Variants in PRLR observed in about 807,000 individuals in gnomAD.
PRLR encodes hPRL receptor.
A neutral mutation model predicts 40.2 loss-of-function variants in PRLR; 13 were observed. The ratio of observed to expected loss-of-function variants is 0.32; its 90% CI spans 0.21 to 0.51. The LOEUF (loss-of-function observed/expected upper bound fraction) is 0.51. Ranked by LOEUF, PRLR falls within the 20% of genes least tolerant of loss-of-function variation. PRLR has a pLI of 0.97. For missense variants in PRLR, 656 were observed against 747.3 expected, an observed-to-expected ratio of 0.88 and a Z score of 1.42; for synonymous variants, 269 against 278.7, an observed-to-expected ratio of 0.97 and a Z score of 0.35.
chr5:35,107,442 G>C (rs1772336470), intron 2 of PRLR, among the ~76,000 whole-genome samples: 1 of 151,984 alleles, frequency 6.6e-6, no homozygotes, highest in African/African-American at 2.4e-5. Flanking sequence ...CTAGGAGCTG[G>C]TTTTCTGAAA....
chr5:35,187,174 G>A (rs188698036), intron 1 of PRLR, among the ~76,000 whole-genome samples: 2 of 152,254 alleles, frequency 1.3e-5, no homozygotes, highest in East Asian at 3.9e-4. Context: ...GTTGAGGCAC[G>A]TGGACCACTT....
At chr5:35,173,118 G>A (rs756889321) in intron 1 of PRLR, among the ~76,000 whole-genome samples, 6 of 150,128 alleles carry the variant, frequency 4.0e-5, no homozygotes, top group Non-Finnish European at 5.9e-5. Context: ...CCTCCACATT[G>A]TTCACTCGTT....
intron 2 of PRLR, among the ~76,000 whole-genome samples, chr5:35,113,420 TCC>T (rs1561310991): frequency 2.9e-5 from 3 of 103,562 alleles, no homozygotes; most frequent in Non-Finnish European, 6.1e-5. Flanking sequence ...CATCCATCCA[TCC>T]ACCCATCCAT....
At chr5:35,097,084 G>A (rs968192108) in intron 2 of PRLR, among the ~76,000 whole-genome samples, 1 of 152,134 alleles carries the variant, frequency 6.6e-6, no homozygotes, top group Non-Finnish European at 1.5e-5. Flanking sequence ...CACCTGACAC[G>A]TAAATTCTCT....
At chr5:35,198,014 T>A (rs1579793288) in intron 1 of PRLR, among the ~76,000 whole-genome samples, 1 of 152,220 alleles carries the variant, frequency 6.6e-6, no homozygotes. Flanking sequence ...TGGATGCCGA[T>A]GGCACCATTC....
Position 35,132,733 on chromosome 5 carries a change from C to T in PRLR, c.-105-14611G>A, listed in dbSNP as rs193282044. 1.2e-4 allele frequency among the ~76,000 whole-genome samples: 18 copies of T among 152,280 alleles called. No homozygotes were observed. In the East Asian group the frequency reaches 3.5e-3, roughly 29 times the overall value. On this transcript the variant is annotated intron_variant, in intron 1 of 9. Transcript: ENST00000618457. ...TGTCCTATTGTTAAATATCATAGGA[C>T]ATTCGTATGCAATGAGGGACTTTGG...
chr5:35,197,118 CTGT>C, intron 1 of PRLR, among the ~76,000 whole-genome samples: 1 of 152,272 alleles, frequency 6.6e-6, no homozygotes, highest in Admixed American at 6.5e-5. Context: ...CCACTTTCTC[CTGT>C]CCCCAACTTT....
At chr5:35,074,262 A>C (rs1769926141) in intron 5 of PRLR, among the ~76,000 whole-genome samples, 1 of 151,838 alleles carries the variant, frequency 6.6e-6, no homozygotes, top group Non-Finnish European at 1.5e-5. Flanking sequence ...GGAGTTTGAG[A>C]CCAGCCTGGC....
intron 2 of PRLR, among the ~76,000 whole-genome samples, chr5:35,110,240 G>A (rs1280973527): frequency 6.6e-6 from 1 of 152,148 alleles, no homozygotes; most frequent in African/African-American, 2.4e-5. Flanking sequence ...GGGGGTGATA[G>A]CATTAGGAGA....
intron 1 of PRLR, among the ~76,000 whole-genome samples, chr5:35,192,727 G>C (rs74381690): frequency 0.016 from 2,408 of 152,294 alleles, 70 homozygotes; most frequent in African/African-American, 0.055. Context: ...CCAAATAGCA[G>C]ATGCCCCAAG....
At chr5:35,194,934 C>T (rs1287586922) in intron 1 of PRLR, among the ~76,000 whole-genome samples, 3 of 152,160 alleles carry the variant, frequency 2.0e-5, no homozygotes, top group Non-Finnish European at 4.4e-5. Flanking sequence ...ATATCAACAT[C>T]GGTTCATCAT....
intron 1 of PRLR, among the ~76,000 whole-genome samples, chr5:35,165,273 G>A (rs1485432739): frequency 1.3e-5 from 2 of 152,242 alleles, no homozygotes; most frequent in South Asian, 2.1e-4. Flanking sequence ...AACTCAAAGC[G>A]GGTAAAAACA....
rs114809240 is a variant in PRLR, at chr5:35,188,968, G to A, written c.-106+41300C>T. Among the ~76,000 whole-genome samples, 3 of 152,110 alleles carry A rather than the reference G, an allele frequency of 2.0e-5. No homozygotes were observed. The South Asian group carries it at 6.2e-4, about 32-fold the overall frequency. On this transcript the variant is annotated intron_variant, in intron 1 of 9. Coordinates refer to ENST00000618457, the MANE Select transcript of PRLR (RefSeq NM_000949.7). ...ATCCCAACACCCAGGACCTCAGAAC[G>A]TGGTGTTTTTTGGAAGTAGGGTTAT...
In PRLR at chr5:35,089,605, C is replaced by T. The variant is rs1272820806; in HGVS notation, c.16G>A (p.Ala6Thr). The T allele has an allele frequency of 5.0e-6, 8 of 1,614,056 alleles. No individual in the cohort carries two copies. Among genetic ancestry groups the T allele is most frequent in the South Asian group, 1.1e-5 (1 of 91,070 alleles). Residue 6 changes from alanine (A) to threonine (T), a missense_variant, in exon 3 of 10, where the codon GCA (alanine) becomes ACA (threonine). Physicochemically the swap from Ala to Thr is moderately conservative, Grantham distance 58 (BLOSUM62 0). This residue lies in a region of PRLR where 180 missense variants were observed against 236.8 expected (regional missense o/e 0.76). Coordinates refer to ENST00000618457, the MANE Select transcript of PRLR (RefSeq NM_000949.7). The stretch of plus-strand genomic sequence containing the variant: ...AGCAGAGTGAAAACGGTTGCAGATG[C>T]CACATTTTCCTTCATGTTGGCTGCC... Reference protein sequence around the residue: MKENVASATVFTLLLF... With the variant: MKENVTSATVFTLLLF...
intron 1 of PRLR, among the ~76,000 whole-genome samples, chr5:35,159,212 C>T (rs1774599212): frequency 1.3e-5 from 2 of 151,942 alleles, no homozygotes; most frequent in African/African-American, 4.8e-5. Flanking sequence ...CTGGCTCCAG[C>T]CAAAAGTCAC....
At chr5:35,197,023 TG>T (rs1434862271) in intron 1 of PRLR, among the ~76,000 whole-genome samples, 7 of 152,180 alleles carry the variant, frequency 4.6e-5, no homozygotes, top group Non-Finnish European at 8.8e-5. Context: ...TCCATTATAT[TG>T]GGGGTTAGGA....
intron 5 of PRLR, among the ~76,000 whole-genome samples, chr5:35,074,098 A>G (rs1769916246): frequency 6.6e-6 from 1 of 152,340 alleles, no homozygotes; most frequent in Non-Finnish European, 1.5e-5. Flanking sequence ...GTGAATTTTC[A>G]TGGCAGCACT....
At chr5:35,074,394 A>G (rs554744487) in intron 5 of PRLR, among the ~76,000 whole-genome samples, 1 of 151,972 alleles carries the variant, frequency 6.6e-6, no homozygotes, top group African/African-American at 2.4e-5. Context: ...TCTGGGAGGC[A>G]GAGGTTGCAG....
intron 1 of PRLR, among the ~76,000 whole-genome samples, chr5:35,181,538 CCTT>C (rs949784683): frequency 5.3e-5 from 8 of 152,146 alleles, no homozygotes. Flanking sequence ...TTAGAAGAGT[CCTT>C]CTTCATCCCT....
Sources: allele counts gnomAD v4.1 joint callset (sites outside exome capture counted in the v4.1 genomes callset), GRCh38; gene constraint gnomAD v4.1.1; regional missense constraint gnomAD v4.1.1; transcripts MANE v1.5; gene names NCBI Gene and HGNC (gene_info 2026-07-23, HGNC 2026-07-21).